The following PLS1 variants were observed in gnomAD, a reference collection of about 807,000 sequenced individuals.
PLS1 encodes the protein plastin-1.
A neutral mutation model predicts 73.7 loss-of-function variants in PLS1; 32 were observed. The ratio of observed to expected loss-of-function variants is 0.43; its 90% CI spans 0.33 to 0.58. The LOEUF is 0.58. PLS1 is among the 20% of genes least tolerant of loss of function. The pLI, the probability that PLS1 is intolerant of heterozygous loss-of-function variation, is 0.04. For missense variants in PLS1, 633 were observed against 740.5 expected (o/e 0.85, Z 1.68); for synonymous variants, 217 against 261.3 (o/e 0.83, Z 1.63).
intron 4 of PLS1, among the ~76,000 whole-genome samples, chr3:142,675,874 C>G (rs2037714139): frequency 6.6e-6 from 1 of 151,504 alleles, no homozygotes; most frequent in African/African-American, 2.4e-5. Context: ...GGGGGTTTCT[C>G]CATGTTGCTC....
At chr3:142,684,606 A>G (rs2107891924) in intron 8 of PLS1, among the ~76,000 whole-genome samples, 1 of 152,342 alleles carries the variant, frequency 6.6e-6, no homozygotes, top group Non-Finnish European at 1.5e-5. Context: ...AATAAGAACT[A>G]CAACTGACTG....
intron 14 of PLS1, among the ~76,000 whole-genome samples, chr3:142,710,822 A>C (rs1039087678): frequency 1.3e-5 from 2 of 152,196 alleles, no homozygotes; most frequent in African/African-American, 4.8e-5. Flanking sequence ...GCAGTGCGCT[A>C]TTCACTATAA....
chr3:142,693,124 C>G (rs2038119574), intron 10 of PLS1, among the ~76,000 whole-genome samples: 1 of 151,914 alleles, frequency 6.6e-6, no homozygotes, highest in South Asian at 2.1e-4. Context: ...TTTATGCAGA[C>G]CAGAGGGAAC....
intron 1 of PLS1, among the ~76,000 whole-genome samples, chr3:142,636,055 ATTTT>A (rs34619105): frequency 6.8e-6 from 1 of 147,930 alleles, no homozygotes; most frequent in Non-Finnish European, 1.5e-5. Flanking sequence ...ACACCTGCTA[ATTTT>A]TTTTTTTTTC....
At chr3:142,710,767 A>G (rs745486970) in intron 14 of PLS1, among the ~76,000 whole-genome samples, 1 of 152,190 alleles carries the variant, frequency 6.6e-6, no homozygotes, top group African/African-American at 2.4e-5. Context: ...TCAAGTACTG[A>G]TAAGTGGTAA....
intron 1 of PLS1, among the ~76,000 whole-genome samples, chr3:142,613,649 A>G (rs1445029860): frequency 2.6e-5 from 4 of 152,176 alleles, no homozygotes; most frequent in African/African-American, 9.7e-5. Flanking sequence ...TTCAAAAGAT[A>G]CCCACACTTG....
intron 1 of PLS1, among the ~76,000 whole-genome samples, chr3:142,600,069 G>A (rs13093304): frequency 0.34 from 51,278 of 152,040 alleles, 9,162 homozygotes; most frequent in Middle Eastern, 0.44. Flanking sequence ...ATTTGAGTTG[G>A]TAGCAAGACA....
At chr3:142,632,754 A>C (rs1218969885) in intron 1 of PLS1, among the ~76,000 whole-genome samples, 1 of 152,088 alleles carries the variant, frequency 6.6e-6, no homozygotes, top group Non-Finnish European at 1.5e-5. Context: ...ACATGCCACC[A>C]TACCCGGCTA....
At chr3:142,661,304 C>T (rs2037364638) in intron 1 of PLS1, among the ~76,000 whole-genome samples, 1 of 152,162 alleles carries the variant, frequency 6.6e-6, no homozygotes, top group Non-Finnish European at 1.5e-5. Flanking sequence ...AGTAAGATGA[C>T]TTCTATTTAC....
At chr3:142,704,709 C>T (rs1307399799) in intron 14 of PLS1, 123 bp downstream of exon 14, 8 of 445,022 alleles carry the variant, frequency 1.8e-5, no homozygotes, top group South Asian at 6.2e-5. Context: ...TGTGCAGTGG[C>T]GCGATCTTGG....
chr3:142,598,489 A>T (rs1455235323), intron 1 of PLS1, among the ~76,000 whole-genome samples: 1 of 152,148 alleles, frequency 6.6e-6, no homozygotes, highest in East Asian at 1.9e-4. Flanking sequence ...AGTTAGGGGG[A>T]TTACAGGAGA....
At chr3:142,601,214 C>T (rs1035092106) in intron 1 of PLS1, among the ~76,000 whole-genome samples, 9 of 151,264 alleles carry the variant, frequency 5.9e-5, no homozygotes, top group South Asian at 2.1e-4. Context: ...CATGAGCCAC[C>T]GCGCCCGGCC....
At chr3:142,696,828 T>G (rs891800408) in intron 11 of PLS1, among the ~76,000 whole-genome samples, 1 of 151,612 alleles carries the variant, frequency 6.6e-6, no homozygotes, top group Middle Eastern at 3.4e-3. Flanking sequence ...AACATAAGAT[T>G]CCAGAACCTA....
intron 1 of PLS1, among the ~76,000 whole-genome samples, chr3:142,618,668 A>C (rs1299690663): frequency 1.3e-5 from 2 of 152,112 alleles, no homozygotes; most frequent in Non-Finnish European, 2.9e-5. Context: ...TCCTTGGCTC[A>C]TGGTTCCTTT....
chr3:142,682,388 G>A (rs572105095), intron 6 of PLS1, among the ~76,000 whole-genome samples: 112 of 152,194 alleles, frequency 7.4e-4, no homozygotes, highest in Non-Finnish European at 1.4e-3. Context: ...AGTCATGCCA[G>A]TGAAGACAAG....
chr3:142,664,428 T>C (rs995729158), intron 2 of PLS1, 121 bp downstream of exon 2: 2 of 526,468 alleles, frequency 3.8e-6, no homozygotes, highest in East Asian at 3.2e-5. Context: ...TATTCCTTTT[T>C]TTCTATCTAG....
intron 4 of PLS1, among the ~76,000 whole-genome samples, chr3:142,674,969 G>A (rs1459665309): frequency 2.0e-5 from 3 of 152,156 alleles, no homozygotes; most frequent in Non-Finnish European, 1.5e-5. Flanking sequence ...GACCTCAGGT[G>A]ATCTGCCCAC....
At chr3:142,607,555 T>C (rs1029264836) in intron 1 of PLS1, among the ~76,000 whole-genome samples, 2 of 152,252 alleles carry the variant, frequency 1.3e-5, no homozygotes, top group African/African-American at 2.4e-5. Context: ...ATTACAGGCG[T>C]GAGCCACTGC....
chr3:142,651,462 C>CA (rs57909380), intron 1 of PLS1, among the ~76,000 whole-genome samples: 1,337 of 101,656 alleles, frequency 0.013, 19 homozygotes, highest in East Asian at 0.05. Flanking sequence ...AACTCTGTCT[C>CA]AAAAAAAAAA....
Sources: gnomAD v4.1 joint callset for allele counts (sites outside exome capture counted in the v4.1 genomes callset) on GRCh38, gnomAD v4.1.1 for gene constraint, MANE v1.5 for transcripts, NCBI Gene and HGNC (gene_info 2026-07-23, HGNC 2026-07-21) for gene names.